The following CACNG5 variants were observed in gnomAD, a reference collection of about 807,000 sequenced individuals.
CACNG5 encodes the protein calcium voltage-gated channel auxiliary subunit gamma 5.
Under a neutral mutation model 24.8 loss-of-function variants are expected in CACNG5, and 18 were observed. The ratio of observed to expected loss-of-function variants is 0.73; its 90% CI spans 0.50 to 1.08. The LOEUF is 1.08. Among genes scored for constraint, CACNG5 ranks in the 50% least tolerant of loss-of-function variants. CACNG5 has a pLI of 0.00. For synonymous variants in CACNG5, 157 were observed against 149.1 expected, an observed-to-expected ratio of 1.05 and a Z score of -0.39; for missense variants, 349 against 367.9, an observed-to-expected ratio of 0.95 and a Z score of 0.42.
At chr17:66,882,637 G>A (rs1290951478) in intron 4 of CACNG5, among the ~76,000 whole-genome samples, 2 of 152,152 alleles carry the variant, frequency 1.3e-5, no homozygotes, top group South Asian at 2.1e-4. Context: ...AGTGGCTCTC[G>A]GGGCATGTAA....
chr17:66,868,516 G>A lies in CACNG5; in HGVS notation c.-103-8714G>A, dbSNP rs147805589. On this transcript the variant is annotated intron_variant, in intron 1 of 5. Transcript: ENST00000533854. ...ACAATGTGGCAGAGAGAGTTTGGTG[G>A]GGTCAGCAGGGAAAACAGGCCACTC... 4.6e-5 allele frequency among the ~76,000 whole-genome samples: 7 copies of A among 152,288 alleles called. No individual in the cohort carries two copies. In the East Asian group the frequency reaches 1.3e-3, roughly 29 times the overall value.
At chr17:66,871,017 C>T (rs1339044187) in intron 1 of CACNG5, among the ~76,000 whole-genome samples, 1 of 151,878 alleles carries the variant, frequency 6.6e-6, no homozygotes, top group Non-Finnish European at 1.5e-5. Context: ...CTTCTGTGTA[C>T]TTTATTTGTC....
Position 66,835,130 on chromosome 17 carries a change from G to A in CACNG5, c.-224G>A, listed in dbSNP as rs1362132060. On this transcript the variant is annotated 5_prime_UTR_variant, in exon 1 of 6. Transcript: ENST00000533854. ...GCGGCCACGGTCATTGGCGCCGAGC[G>A]GTTCCGGCTGACTGGACGGGGCGGG... 10 of 152,220 alleles carry A rather than the reference G, an allele frequency of 6.6e-5. No individual in the cohort carries two copies. The highest frequency in any genetic ancestry group is 6.5e-4 in the Admixed American group (10 of 15,274). The allele number at this position is 152,220 out of a possible 1,614,324, so 9.4% of individuals were successfully genotyped here.
chr17:66,844,113 A>G (rs1976605039), intron 1 of CACNG5, among the ~76,000 whole-genome samples: 1 of 152,182 alleles, frequency 6.6e-6, no homozygotes, highest in African/African-American at 2.4e-5. Flanking sequence ...AGGATGATAG[A>G]GTAATGCTAG....
chr17:66,882,412 G>A (rs1977172173), intron 4 of CACNG5, among the ~76,000 whole-genome samples: 1 of 152,128 alleles, frequency 6.6e-6, no homozygotes. Flanking sequence ...GGGGCTCATG[G>A]GAGTGACTTG....
At chr17:66,840,252 A>G (rs922976162) in intron 1 of CACNG5, among the ~76,000 whole-genome samples, 2 of 152,150 alleles carry the variant, frequency 1.3e-5, no homozygotes, top group Non-Finnish European at 2.9e-5. Flanking sequence ...GGACTTGTGT[A>G]TCTATTCACC....
At chr17:66,867,843 T>C (rs1455314196) in intron 1 of CACNG5, among the ~76,000 whole-genome samples, 1 of 152,236 alleles carries the variant, frequency 6.6e-6, no homozygotes. Context: ...TCTGTTTGCA[T>C]ACCAGTGCCA....
Position 66,894,330 on chromosome 17 carries a change from G to A in CACNG5, c.*9090G>A, listed in dbSNP as rs1977384975. On this transcript the variant is annotated 3_prime_UTR_variant, in exon 6 of 6. Transcript: ENST00000533854. ...GGTGGGCTTTTTTGCCTGGATTGGG[G>A]GAAGAAAAAGTGATGGGGAAAATGA... Among the ~76,000 whole-genome samples, 1 of 151,988 alleles carries A rather than the reference G, an allele frequency of 6.6e-6. No individual in the cohort carries two copies. The highest frequency in any genetic ancestry group is 1.5e-5 in the Non-Finnish European group (1 of 67,994).
chr17:66,841,532 T>C (rs1239493812), intron 1 of CACNG5, among the ~76,000 whole-genome samples: 1 of 152,300 alleles, frequency 6.6e-6, no homozygotes, highest in East Asian at 1.9e-4. Context: ...TTTCTGTACC[T>C]GTCCAAAGGA....
chr17:66,855,545 A>G (rs1003658510), intron 1 of CACNG5, among the ~76,000 whole-genome samples: 2 of 152,012 alleles, frequency 1.3e-5, no homozygotes, highest in Non-Finnish European at 2.9e-5. Flanking sequence ...TTTTTTTGAG[A>G]CAGAGTCTCA....
intron 1 of CACNG5, among the ~76,000 whole-genome samples, chr17:66,869,816 G>A (rs1363744461): frequency 6.6e-6 from 1 of 152,178 alleles, no homozygotes; most frequent in Non-Finnish European, 1.5e-5. Flanking sequence ...GGGGGCGGTG[G>A]CTCATGCCTG....
intron 1 of CACNG5, among the ~76,000 whole-genome samples, chr17:66,875,069 G>T (rs1977056981): frequency 6.6e-6 from 1 of 152,298 alleles, no homozygotes. Context: ...CCTGGGTTCT[G>T]CCTGTTATGA....
intron 1 of CACNG5, among the ~76,000 whole-genome samples, chr17:66,836,784 G>A (rs1976486771): frequency 6.6e-6 from 1 of 152,228 alleles, no homozygotes; most frequent in Non-Finnish European, 1.5e-5. Flanking sequence ...GATAGAGGTG[G>A]CCCTGCTGTG....
rs1977277205 is a variant in CACNG5 at position 66,887,354 on chromosome 17, T to C, written c.*2114T>C. On this transcript the variant is annotated 3_prime_UTR_variant, in exon 6 of 6. Transcript: ENST00000533854. ...TCAGCCTCCTGTGGGAGGCTCTCTGTTGCTTTTGTATGTGACTTTTCAATC... is the reference window on the plus strand; with the variant it reads ...TCAGCCTCCTGTGGGAGGCTCTCTGCTGCTTTTGTATGTGACTTTTCAATC... 7.1e-6 allele frequency among the ~76,000 whole-genome samples: 1 copy of C among 141,136 alleles called. No homozygotes were observed. Among genetic ancestry groups the C allele is most frequent in the African/African-American group, 2.6e-5 (1 of 38,984 alleles). 92.6% of individuals were successfully genotyped at this position (141,136 alleles called of 152,430 possible).
At chr17:66,852,041 C>T (rs1281864309) in intron 1 of CACNG5, among the ~76,000 whole-genome samples, 1 of 152,186 alleles carries the variant, frequency 6.6e-6, no homozygotes, top group Non-Finnish European at 1.5e-5. Flanking sequence ...TGTGGATGGG[C>T]ACCATCTAAT....
chr17:66,876,933 GT>G (rs1390455014), intron 1 of CACNG5, among the ~76,000 whole-genome samples: 3 of 152,162 alleles, frequency 2.0e-5, no homozygotes. Context: ...GGCAAGGATA[GT>G]GTCATGTTCA....
chr17:66,850,127 A>G (rs1441625174), intron 1 of CACNG5, among the ~76,000 whole-genome samples: 1 of 152,222 alleles, frequency 6.6e-6, no homozygotes, highest in Non-Finnish European at 1.5e-5. Context: ...GCAGGCTGCA[A>G]GTGTACTCCA....
At chr17:66,852,411 AT>A (rs1976718826) in intron 1 of CACNG5, among the ~76,000 whole-genome samples, 1 of 152,010 alleles carries the variant, frequency 6.6e-6, no homozygotes, top group South Asian at 2.1e-4. Context: ...ATCACCTCCC[AT>A]TTCTCTCTCT....
In CACNG5 at chr17:66,890,056, C is replaced by G. The variant is rs11079671; in HGVS notation, c.*4816C>G. Among the ~76,000 whole-genome samples the G allele has an allele frequency of 0.37, 56,321 of 152,100 alleles. 11,503 individuals carry two copies. Among genetic ancestry groups the G allele is most frequent in the African/African-American group, 0.56 (23,108 of 41,456 alleles). ...AGCTCTCCAAGTCTTGACTTTCTCC[C>G]CACACTCAGTGAACCACTTTCATAT... On this transcript the variant is annotated 3_prime_UTR_variant, in exon 6 of 6. Coordinates refer to ENST00000533854, the MANE Select transcript of CACNG5 (RefSeq NM_145811.3).
Sources: gnomAD v4.1 joint callset for allele counts (sites outside exome capture counted in the v4.1 genomes callset) on GRCh38, gnomAD v4.1.1 for gene constraint, MANE v1.5 for transcripts, NCBI Gene and HGNC (gene_info 2026-07-23, HGNC 2026-07-21) for gene names.